ZNF304: variants seen among roughly 807,000 people sequenced by gnomAD.
ZNF304 encodes the protein KRAB-containing zinc finger protein.
ZNF304 carries 7 observed loss-of-function variants against 7.8 expected under a neutral mutation model. That is an observed-to-expected ratio of 0.90 (90% CI 0.51 to 1.69). The LOEUF (loss-of-function observed/expected upper bound fraction) is 1.69. ZNF304 is among the 40% of genes most tolerant of loss of function. The pLI is 0.00. For missense variants in ZNF304, 669 were observed against 804.8 expected (o/e 0.83, Z 2.04); for synonymous variants, 280 against 272.4 (o/e 1.03, Z -0.27).
intron 1 of ZNF304, 123 bp from the exon 2 acceptor site, chr19:57,353,602 C>T: frequency 7.2e-7 from 1 of 1,383,114 alleles, no homozygotes; most frequent in South Asian, 1.6e-5. Flanking sequence ...CTGTTATCTC[C>T]TCTTAGTTGG....
At position 57,357,011 on chromosome 19, in the gene ZNF304, A is replaced by T; in HGVS notation, c.1142A>T (p.His381Leu). The T allele has an allele frequency of 2.5e-6, 4 of 1,614,148 alleles. No individual in the cohort carries two copies. Among genetic ancestry groups the T allele is most frequent in the Non-Finnish European group, 3.4e-6 (4 of 1,179,952 alleles). ...AGCCGTAAAGACACACTTGTTCAGC[A>T]CCAGAGATTTCATACTGGAGAAAGG... ...AFSRKDTLVQ[H>L]QRFHTGERPY... is the part of the protein sequence containing the mutation. The change falls in exon 3 of 3, where the codon CAC becomes CTC. Residue 381 changes from histidine (H) to leucine (L), a missense_variant. Transcript: ENST00000282286.
chr19:57,356,300 G>A lies in ZNF304; in HGVS notation c.431G>A (p.Cys144Tyr). 6.2e-7 allele frequency: 1 copy of A among 1,614,206 alleles called. No individual in the cohort carries two copies. Among genetic ancestry groups the A allele is most frequent in the Non-Finnish European group, 8.5e-7 (1 of 1,180,048 alleles). Residue 144 changes from cysteine (C) to tyrosine (Y), a missense_variant, in exon 3 of 3, where the codon TGC becomes TAC. Physicochemically the swap from Cys to Tyr is radical, Grantham distance 194 (BLOSUM62 -2). Transcript: ENST00000282286. ...QHQKQHNGEN[C>Y]FRGDDGGASF... ...CAGAAGCAACATAATGGAGAGAATT[G>A]CTTCAGAGGGGATGATGGAGGGGCC...
At chr19:57,355,314 C>A in intron 2 of ZNF304, 1 of 765,296 alleles carries the variant, frequency 1.3e-6, no homozygotes. Flanking sequence ...TTGGAGGGGG[C>A]AGAAAACCTT....
rs1482129775 is a variant in ZNF304, at chr19:57,351,418, A to G, written c.-247A>G. On this transcript the variant is annotated 5_prime_UTR_variant, in exon 1 of 3. An upstream start codon of the reference 5' UTR is lost. Coordinates refer to ENST00000282286, the MANE Select transcript of ZNF304 (RefSeq NM_020657.4). This position sits in a 1 kb window ranked among gnomAD's most constrained non-coding sequence, Gnocchi z 4.1. The stretch of plus-strand genomic sequence containing the variant: ...TTCCTTCGCGCTTTTGTTACAATCC[A>G]TGACCCCTGTCGTGGGACGGGCGGC... 1.0e-5 allele frequency: 6 copies of G among 577,798 alleles called. No homozygotes were observed. The highest frequency in any genetic ancestry group is 8.2e-5 in the South Asian group (4 of 48,670). The allele number at this position is 577,798 out of a possible 1,614,324, so 35.8% of individuals were successfully genotyped here.
chr19:57,353,329 C>T (rs545627935), intron 1 of ZNF304, among the ~76,000 whole-genome samples: 51 of 152,214 alleles, frequency 3.4e-4, no homozygotes, highest in Non-Finnish European at 6.0e-4. Flanking sequence ...GTAATGAGCA[C>T]GTTGGGAGGA....
Position 57,356,243 on chromosome 19 carries a change from G to T in ZNF304, c.374G>T (p.Arg125Ile), listed in dbSNP as rs143223016. 6 of 1,614,090 alleles carry T rather than the reference G, an allele frequency of 3.7e-6. No individual in the cohort carries two copies. In the African/African-American group the frequency reaches 8.0e-5, roughly 22 times the overall value. ...TGCACACGTGGGCTGTGTAGGAGAA[G>T]ATTCTCGTTCAGTGCAAACTTTTAC... ...KLCTRGLCRRRFSFSANFYQH... is the reference protein window; with the variant it reads ...KLCTRGLCRRIFSFSANFYQH... Residue 125 changes from arginine to isoleucine, a missense_variant, in exon 3 of 3, where the codon AGA becomes ATA. Coordinates refer to ENST00000282286, the MANE Select transcript of ZNF304 (RefSeq NM_020657.4).
intron 2 of ZNF304, among the ~76,000 whole-genome samples, chr19:57,354,588 G>A (rs898079590): frequency 1.3e-5 from 2 of 152,172 alleles, no homozygotes; most frequent in African/African-American, 4.8e-5. Context: ...TGGAAGCCCA[G>A]GATTGTAACC....
chr19:57,353,660 A>G, intron 1 of ZNF304, 65 bp from the exon 2 acceptor site: 1 of 1,545,278 alleles, frequency 6.5e-7, no homozygotes, highest in South Asian at 1.3e-5. Flanking sequence ...GAGTGTGTAG[A>G]CTGGGGAGGA....
intron 1 of ZNF304, 54 bp from the exon 2 acceptor site, chr19:57,353,671 G>C (rs2088301677): frequency 5.8e-6 from 9 of 1,557,198 alleles, no homozygotes; most frequent in Non-Finnish European, 7.8e-6. Flanking sequence ...CTGGGGAGGA[G>C]GGGGTTCTGG....
intron 2 of ZNF304, chr19:57,355,181 C>T (rs565747621): frequency 3.3e-5 from 23 of 706,264 alleles, no homozygotes; most frequent in African/African-American, 8.6e-5. Context: ...CTGGTACATC[C>T]GCCTTGGAGA....
At position 57,351,829 on chromosome 19, in the gene ZNF304, A is replaced by G. The variant is rs1290031251; in HGVS notation, c.33+132A>G. 3.9e-6 allele frequency: 4 copies of G among 1,017,452 alleles called. No homozygotes were observed. The highest frequency in any genetic ancestry group is 1.6e-5 in the South Asian group (1 of 64,034). The allele number at this position is 1,017,452 out of a possible 1,614,324, so 63.0% of individuals were successfully genotyped here. On this transcript the variant is annotated intron_variant, in intron 1 of 2. Transcript: ENST00000282286. The surrounding 1 kb of genome is among the most constrained non-coding windows in gnomAD (Gnocchi z 4.1). ...GGGTTCCGCTCCCCTCATCAGTGGC[A>G]TAAGGTGTGGAACGGACTCGAAGGC...
intron 1 of ZNF304, among the ~76,000 whole-genome samples, chr19:57,353,427 T>G (rs978992495): frequency 6.6e-6 from 1 of 152,216 alleles, no homozygotes; most frequent in African/African-American, 2.4e-5. Flanking sequence ...AGGCATCGTC[T>G]GGACAACACC....
intron 1 of ZNF304, 49 bp from the exon 2 acceptor site, chr19:57,353,676 T>G: frequency 1.3e-6 from 2 of 1,557,370 alleles, no homozygotes; most frequent in Non-Finnish European, 8.7e-7. Context: ...GAGGAGGGGG[T>G]TCTGGGGAGA....
At position 57,354,337 on chromosome 19, in the gene ZNF304, C is replaced by T. The variant is rs568387090; in HGVS notation, c.160+486C>T. On this transcript the variant is annotated intron_variant, in intron 2 of 2. Coordinates refer to ENST00000282286, the MANE Select transcript of ZNF304 (RefSeq NM_020657.4). ...CACCTTCTTATGCAGGTGCTTTTGG[C>T]TCTCATGAAGTTTTAATCAAGCTCT... Among the ~76,000 whole-genome samples, 10 of 152,292 alleles carry T rather than the reference C, an allele frequency of 6.6e-5. No individual in the cohort carries two copies. The South Asian group carries it at 2.1e-3, about 32-fold the overall frequency.
chr19:57,355,790 G>A (rs1042913849), intron 2 of ZNF304, among the ~76,000 whole-genome samples: 6 of 152,198 alleles, frequency 3.9e-5, no homozygotes, highest in Non-Finnish European at 8.8e-5. Context: ...ATCAGGTAGA[G>A]GCTTCACCTA....
chr19:57,355,938 G>T, intron 2 of ZNF304, 92 bp from the exon 3 acceptor site: 1 of 1,390,912 alleles, frequency 7.2e-7, no homozygotes, highest in South Asian at 1.4e-5. Flanking sequence ...CAAGCCAGTG[G>T]ACTCGCACTG....
At position 57,356,055 on chromosome 19, in the gene ZNF304, G is replaced by C. The variant is rs566392451; in HGVS notation, c.186G>C (p.Glu62Asp). 1 of 1,609,572 alleles carries C rather than the reference G, an allele frequency of 6.2e-7. No homozygotes were observed. Among genetic ancestry groups the C allele is most frequent in the South Asian group, 1.1e-5 (1 of 90,818 alleles). ...GTTTTTGGTGTGAAGCAGAACATGA[G>C]GCACCTTCTGAGCAGAGCGTTTCTG... is the stretch of plus-strand genomic sequence containing the variant. ...TLGFWCEAEHEAPSEQSVSVE... is the reference protein window; with the variant it reads ...TLGFWCEAEHDAPSEQSVSVE... The change falls in exon 3 of 3, where the codon GAG becomes GAC. Residue 62 changes from glutamate to aspartate, a missense_variant. Coordinates refer to ENST00000282286, the MANE Select transcript of ZNF304 (RefSeq NM_020657.4).
At chr19:57,352,994 A>G (rs2088293888) in intron 1 of ZNF304, among the ~76,000 whole-genome samples, 1 of 152,188 alleles carries the variant, frequency 6.6e-6, no homozygotes, top group Admixed American at 6.5e-5. Context: ...AGGCCTCAGG[A>G]AAACACACAG....
rs1445084144 is a variant in ZNF304, at chr19:57,358,142, G to A, written c.*293G>A. On this transcript the variant is annotated 3_prime_UTR_variant, in exon 3 of 3. Transcript: ENST00000282286. ...GGAAGCCATCTTATTGCTACCAGCT[G>A]TGTGTGTCAATCACTCCATTTTGCT... 1 of 345,290 alleles carries A rather than the reference G, an allele frequency of 2.9e-6. No homozygotes were observed. The highest frequency in any genetic ancestry group is 5.3e-6 in the Non-Finnish European group (1 of 189,552). The allele number at this position is 345,290 out of a possible 1,614,324, so 21.4% of individuals were successfully genotyped here.
Sources: allele counts gnomAD v4.1 joint callset (sites outside exome capture counted in the v4.1 genomes callset), GRCh38; gene constraint gnomAD v4.1.1; non-coding constraint Gnocchi (gnomAD v3.1); transcripts MANE v1.5; gene names NCBI Gene and HGNC (gene_info 2026-07-23, HGNC 2026-07-21).